Variants in CLEC4G observed in about 807,000 individuals in gnomAD.
CLEC4G encodes the protein C-type lectin superfamily 4, member G.
In CLEC4G, 34 loss-of-function variants were observed where a neutral mutation model predicts 37.0. That is an observed-to-expected ratio of 0.92 (90% CI 0.70 to 1.22). CLEC4G has a LOEUF of 1.22. Ranked by LOEUF, CLEC4G falls within the 50% of genes most tolerant of loss-of-function variation. CLEC4G has a pLI of 0.00. For synonymous variants in CLEC4G, 167 were observed against 165.6 expected, an observed-to-expected ratio of 1.01 and a Z score of -0.06; for missense variants, 390 against 392.9, an observed-to-expected ratio of 0.99 and a Z score of 0.06.
chr19:7,731,039 G>A lies in CLEC4G; in HGVS notation c.270C>T (p.Asp90=). The A allele has an allele frequency of 6.2e-7, 1 of 1,604,132 alleles. No individual in the cohort carries two copies. ...ALGALKEEVG[D]CHSCCSGTQA... The stretch of plus-strand genomic sequence containing the variant: ...GCGCCCCCTCACAGCAGCTGTGGCA[G>A]TCTCCGACCTCCTCCTTCAGGGCAC... Residue 90 remains aspartate, a synonymous_variant, in exon 4 of 9, where the codon GAC becomes GAT. Coordinates refer to ENST00000328853, the MANE Select transcript of CLEC4G (RefSeq NM_198492.4).
In CLEC4G at chr19:7,730,930, C is replaced by A. The variant is rs535968848; in HGVS notation, c.284-71G>T. 2,490 of 1,489,084 alleles carry A rather than the reference C, an allele frequency of 1.7e-3. 37 individuals are homozygous for A. The African/African-American group carries it at 0.031, about 19-fold the overall frequency. 92.2% of individuals were successfully genotyped at this position (1,489,084 alleles called of 1,614,324 possible). A position where few individuals can be genotyped will look rare whatever the true frequency, so the allele number is the denominator to read the frequency against. The stretch of plus-strand genomic sequence containing the variant: ...GGGACTTCGGAGACCAGCCCCCGCC[C>A]CGCACCACCCGCCGCAGGCCTCCGC... On this transcript the variant is annotated intron_variant, in intron 4 of 8. Coordinates refer to ENST00000328853, the MANE Select transcript of CLEC4G (RefSeq NM_198492.4). The surrounding 1 kb of genome is among the most constrained non-coding windows in gnomAD (Gnocchi z 7.3).
rs35083353 is a variant in CLEC4G at position 7,729,116 on chromosome 19, AG to A, written c.*249del. ...AGGCATATCACGGGGACGCAGGAGCAGGGATTTTGGAGCTAGTGGAGGTTAG... is the reference window on the plus strand; with the variant it reads ...AGGCATATCACGGGGACGCAGGAGCAGGATTTTGGAGCTAGTGGAGGTTAG... On this transcript the variant is annotated 3_prime_UTR_variant, in exon 9 of 9. Transcript: ENST00000328853. 2 of 629,502 alleles carry A rather than the reference AG, an allele frequency of 3.2e-6. No homozygotes were observed. The highest frequency in any genetic ancestry group is 3.6e-5 in the African/African-American group (2 of 55,510). The allele number at this position is 629,502 out of a possible 1,614,324, so 39.0% of individuals were successfully genotyped here.
Position 7,730,014 on chromosome 19 carries a change from C to A in CLEC4G, c.627+5G>T, listed in dbSNP as rs747269516. On this transcript the variant is annotated splice_donor_5th_base_variant and intron_variant, in intron 7 of 8. Coordinates refer to ENST00000328853, the MANE Select transcript of CLEC4G (RefSeq NM_198492.4). This position sits in a 1 kb window ranked among gnomAD's most constrained non-coding sequence, Gnocchi z 7.3. ...CGCCTGACCACGCCCCCTCCCCCTG[C>A]GCACCTGCTCATCCAGGCCCCCAAC... is the stretch of plus-strand genomic sequence containing the variant. 1.9e-6 allele frequency: 3 copies of A among 1,593,846 alleles called. No individual in the cohort carries two copies. Among genetic ancestry groups the A allele is most frequent in the East Asian group, 2.3e-5 (1 of 43,900 alleles).
In CLEC4G at chr19:7,730,380, C is replaced by T. The variant is rs1367186686; in HGVS notation, c.449G>A (p.Arg150Gln). 1 of 1,603,056 alleles carries T rather than the reference C, an allele frequency of 6.2e-7. No individual in the cohort carries two copies. The highest frequency in any genetic ancestry group is 1.3e-5 in the African/African-American group (1 of 74,924). ...CTGGAGCCTCACGGCCTCCAGCGCCCGGAACAGCTCAGTGCGGACGTCCTC... is the reference window on the plus strand; with the variant it reads ...CTGGAGCCTCACGGCCTCCAGCGCCTGGAACAGCTCAGTGCGGACGTCCTC... ...GREDVRTELF[R>Q]ALEAVRLQNN... is the part of the protein sequence containing the mutation. Residue 150 changes from arginine (R) to glutamine (Q), a missense_variant, in exon 6 of 9, where the codon CGG becomes CAG. Physicochemically the swap from Arg to Gln is conservative, Grantham distance 43 (BLOSUM62 1). Coordinates refer to ENST00000328853, the MANE Select transcript of CLEC4G (RefSeq NM_198492.4). This position sits in a 1 kb window ranked among gnomAD's most constrained non-coding sequence, Gnocchi z 7.3.
chr19:7,731,812 A>C, intron 1 of CLEC4G, 41 bp from the exon 2 acceptor site: 1 of 1,592,038 alleles, frequency 6.3e-7, no homozygotes, highest in Non-Finnish European at 8.6e-7. Context: ...CCCAGAACTG[A>C]GCCCTGGAGG....
At position 7,730,717 on chromosome 19, in the gene CLEC4G, G is replaced by A. The variant is rs1199498084; in HGVS notation, c.388+38C>T. The A allele has an allele frequency of 6.6e-7, 1 of 1,514,632 alleles. No homozygotes were observed. The allele number at this position is 1,514,632 out of a possible 1,614,324, so 93.8% of individuals were successfully genotyped here. A position where few individuals can be genotyped will look rare whatever the true frequency, so the allele number is the denominator to read the frequency against. On this transcript the variant is annotated intron_variant, in intron 5 of 8. Coordinates refer to ENST00000328853, the MANE Select transcript of CLEC4G (RefSeq NM_198492.4). The surrounding 1 kb of genome is among the most constrained non-coding windows in gnomAD (Gnocchi z 7.3). ...GGACGGGGTCGGGGTCGGGGGACGCGGCCAGGGCTCAGGGCCGGGGTCGCG... is the reference window on the plus strand; with the variant it reads ...GGACGGGGTCGGGGTCGGGGGACGCAGCCAGGGCTCAGGGCCGGGGTCGCG...
rs143587575 is a variant in CLEC4G at position 7,730,474 on chromosome 19, G to A, written c.389-34C>T. The A allele has an allele frequency of 3.8e-3, 6,140 of 1,595,560 alleles. 16 individuals are homozygous for A. Among genetic ancestry groups the A allele is most frequent in the Middle Eastern group, 0.014 (80 of 5,828 alleles). The stretch of plus-strand genomic sequence containing the variant: ...TCAAGGGAGCGGGGATTATGGCTGG[G>A]GTCAGGGCCAGGACCAGGGTCATGA... On this transcript the variant is annotated intron_variant, in intron 5 of 8. Coordinates refer to ENST00000328853, the MANE Select transcript of CLEC4G (RefSeq NM_198492.4). The surrounding 1 kb of genome is among the most constrained non-coding windows in gnomAD (Gnocchi z 7.3).
chr19:7,731,316 G>A lies in CLEC4G; in HGVS notation c.170C>T (p.Ser57Phe). ...GTCAAGCAGCGCCGCGCGCTCCGTG[G>A]AGGCTGAGGAGAGAGGCTCCTGCAG... ...VILSILLSKASTERAALLDGH... is the reference protein window; with the variant it reads ...VILSILLSKAFTERAALLDGH... Residue 57 changes from serine to phenylalanine, a missense_variant, in exon 3 of 9, where the codon TCC becomes TTC. By Grantham distance (155) the Ser-to-Phe change is radical. Transcript: ENST00000328853. The A allele has an allele frequency of 6.4e-7, 1 of 1,573,378 alleles. No homozygotes were observed. The highest frequency in any genetic ancestry group is 2.3e-5 in the East Asian group (1 of 43,326).
At chr19:7,731,593 C>A in intron 2 of CLEC4G, 68 bp downstream of exon 2, 1 of 1,573,812 alleles carries the variant, frequency 6.4e-7, no homozygotes, top group Non-Finnish European at 8.6e-7. Flanking sequence ...AGCTGGTGCG[C>A]CATGCAGTGG....
chr19:7,731,844 T>G, intron 1 of CLEC4G, 73 bp from the exon 2 acceptor site: 1 of 1,552,922 alleles, frequency 6.4e-7, no homozygotes, highest in Admixed American at 2.1e-5. Context: ...CCCAGGAAAC[T>G]GAGATTCAGA....
chr19:7,729,968 G>A lies in CLEC4G; in HGVS notation c.628-32C>T, dbSNP rs369759693. 18 of 1,611,642 alleles carry A rather than the reference G, an allele frequency of 1.1e-5. No homozygotes were observed. In the African/African-American group the frequency reaches 2.4e-4, roughly 22 times the overall value. The stretch of plus-strand genomic sequence containing the variant: ...AGGAGGGGACATCTGAGCCTGCAGA[G>A]TCCGCCCCGCCCTGCCCCACCGCCT... On this transcript the variant is annotated intron_variant, in intron 7 of 8. Coordinates refer to ENST00000328853, the MANE Select transcript of CLEC4G (RefSeq NM_198492.4).
At position 7,729,283 on chromosome 19, in the gene CLEC4G, A is replaced by G; in HGVS notation, c.*83T>C. 1 of 917,328 alleles carries G rather than the reference A, an allele frequency of 1.1e-6. No individual in the cohort carries two copies. Among genetic ancestry groups the G allele is most frequent in the Non-Finnish European group, 1.8e-6 (1 of 554,876 alleles). 56.8% of individuals were successfully genotyped at this position (917,328 alleles called of 1,614,324 possible). A position where few individuals can be genotyped will look rare whatever the true frequency, so the allele number is the denominator to read the frequency against. On this transcript the variant is annotated 3_prime_UTR_variant, in exon 9 of 9. Transcript: ENST00000328853. ...ATGAGGAAGAAAAAACTCTTTGGCA[A>G]TCAGCTCCAGGAGCCAGGGAGGTGA...
Position 7,729,459 on chromosome 19 carries a change from G to A in CLEC4G, c.789C>T (p.Asn263=). ...GCCCCGTGTGCAGCATCATGACACA[G>A]TTCTCGCGCCCCCAAGCGTCATTGG... ...GEPNDAWGRE[N]CVMMLHTGLW... Residue 263 remains asparagine (N), a synonymous_variant, in exon 9 of 9, where the codon AAC becomes AAT. Transcript: ENST00000328853. 1 of 1,604,346 alleles carries A rather than the reference G, an allele frequency of 6.2e-7. No homozygotes were observed. Among genetic ancestry groups the A allele is most frequent in the Non-Finnish European group, 8.5e-7 (1 of 1,171,228 alleles).
chr19:7,729,574 T>C (rs1461231223), intron 8 of CLEC4G, 70 bp from the exon 9 acceptor site: 1 of 1,303,134 alleles, frequency 7.7e-7, no homozygotes, highest in African/African-American at 1.5e-5. Context: ...CCCGCCTTCC[T>C]CTTCAGGCTC....
chr19:7,730,121 G>A lies in CLEC4G; in HGVS notation c.525C>T (p.Ser175=), dbSNP rs1172803314. ...TCTTTGGCACAGAGAAAAAGTAGCA[G>A]GAGCCCTCGAAGGACAGCCACGACG... The part of the protein sequence containing the change: ...CPTSWLSFEG[S]CYFFSVPKTT... The change falls in exon 7 of 9, where the codon TCC becomes TCT. Residue 175 remains serine, a synonymous_variant. Transcript: ENST00000328853. The surrounding 1 kb of genome is among the most constrained non-coding windows in gnomAD (Gnocchi z 7.3). 28 of 1,612,606 alleles carry A rather than the reference G, an allele frequency of 1.7e-5. No homozygotes were observed. The highest frequency in any genetic ancestry group is 3.3e-4 in the Middle Eastern group (2 of 6,082).
In CLEC4G at chr19:7,730,659, G is replaced by C. The variant is rs2033414390; in HGVS notation, c.388+96C>G. On this transcript the variant is annotated intron_variant, in intron 5 of 8. Transcript: ENST00000328853. The surrounding 1 kb of genome is among the most constrained non-coding windows in gnomAD (Gnocchi z 7.3). ...AGAGTGCAGCGTCAGGGTCAGGACG[G>C]GGTGCATGATCGGGGTCGGGGGTCA... The C allele has an allele frequency of 2.7e-6, 4 of 1,469,366 alleles. No homozygotes were observed. The highest frequency in any genetic ancestry group is 1.4e-5 in the South Asian group (1 of 73,808). The allele number at this position is 1,469,366 out of a possible 1,614,324, so 91.0% of individuals were successfully genotyped here.
At chr19:7,729,625 T>G in intron 8 of CLEC4G, 121 bp from the exon 9 acceptor site, 1 of 1,200,288 alleles carries the variant, frequency 8.3e-7, no homozygotes, top group Non-Finnish European at 1.2e-6. Flanking sequence ...ACACCCCAAC[T>G]GTCTAACCTG....
chr19:7,730,933 C>T lies in CLEC4G; in HGVS notation c.284-74G>A. The T allele has an allele frequency of 6.9e-7, 1 of 1,444,626 alleles. No homozygotes were observed. The highest frequency in any genetic ancestry group is 9.1e-7 in the Non-Finnish European group (1 of 1,096,000). The allele number at this position is 1,444,626 out of a possible 1,614,324, so 89.5% of individuals were successfully genotyped here. A position where few individuals can be genotyped will look rare whatever the true frequency, so the allele number is the denominator to read the frequency against. On this transcript the variant is annotated intron_variant, in intron 4 of 8. Transcript: ENST00000328853. The surrounding 1 kb of genome is among the most constrained non-coding windows in gnomAD (Gnocchi z 7.3). ...ACTTCGGAGACCAGCCCCCGCCCCG[C>T]ACCACCCGCCGCAGGCCTCCGCCCC... is the stretch of plus-strand genomic sequence containing the variant.
At chr19:7,731,923 A>T in intron 1 of CLEC4G, 125 bp downstream of exon 1, 2 of 1,503,090 alleles carry the variant, frequency 1.3e-6, no homozygotes, top group African/African-American at 1.4e-5. Flanking sequence ...CCCTGGTCCA[A>T]CTGGCTCTAT....
Sources: allele counts gnomAD v4.1 joint callset, GRCh38; gene constraint gnomAD v4.1.1; non-coding constraint Gnocchi (gnomAD v3.1); transcripts MANE v1.5; gene names NCBI Gene and HGNC (gene_info 2026-07-23, HGNC 2026-07-21).